Variants in STRN observed in about 807,000 individuals in gnomAD.
The protein encoded by STRN is protein phosphatase 2 regulatory subunit B'''alpha.
STRN carries 53 observed loss-of-function variants against 96.3 expected under a neutral mutation model. The observed-to-expected ratio is 0.55, with a 90% CI of 0.44 to 0.69. STRN has a LOEUF of 0.69. STRN is among the 30% of genes least tolerant of loss of function. The probability of loss-of-function intolerance (pLI) is 0.00; values close to 1 mark genes in which losing one functional copy is unlikely to be tolerated. For missense variants in STRN, 987 were observed against 963.9 expected (o/e 1.02, Z -0.32); for synonymous variants, 428 against 355.9 (o/e 1.20, Z -2.28).
intron 6 of STRN, among the ~76,000 whole-genome samples, chr2:36,897,441 AT>A (rs1277630170): frequency 6.7e-6 from 1 of 149,456 alleles, no homozygotes; most frequent in Non-Finnish European, 1.5e-5. Context: ...AAAAATATAT[AT>A]ATATTTTTTT....
intron 1 of STRN, among the ~76,000 whole-genome samples, chr2:36,965,235 C>T (rs951967087): frequency 5.3e-5 from 8 of 152,184 alleles, no homozygotes; most frequent in Non-Finnish European, 1.2e-4. Context: ...AGGCTTAGCC[C>T]GTAAAACAGA....
intron 1 of STRN, among the ~76,000 whole-genome samples, chr2:36,963,215 C>A (rs1665071771): frequency 6.6e-6 from 1 of 152,274 alleles, no homozygotes; most frequent in South Asian, 2.1e-4. Context: ...TAAAGGCAGG[C>A]CAGGCAGATG....
At chr2:36,941,737 G>A (rs1670850152) in intron 1 of STRN, among the ~76,000 whole-genome samples, 1 of 137,162 alleles carries the variant, frequency 7.3e-6, no homozygotes, top group Non-Finnish European at 1.5e-5. Flanking sequence ...TTTTTTTAGT[G>A]GAGACGGGTT....
rs1163311602 is a variant in STRN at position 36,839,480 on chromosome 2, T to C, written c.*9976A>G. Among the ~76,000 whole-genome samples, 1 of 152,218 alleles carries C rather than the reference T, an allele frequency of 6.6e-6. No homozygotes were observed. The highest frequency in any genetic ancestry group is 1.5e-5 in the Non-Finnish European group (1 of 68,036). ...GAAGCTATCAGGAGTGTGACCGAAC[T>C]ACATGACCAGAAGTCTGTATTCAGA... On this transcript the variant is annotated 3_prime_UTR_variant, in exon 18 of 18. Coordinates refer to ENST00000263918, the MANE Select transcript of STRN (RefSeq NM_003162.4).
At chr2:36,895,846 C>T (rs1355287827) in intron 6 of STRN, among the ~76,000 whole-genome samples, 4 of 152,036 alleles carry the variant, frequency 2.6e-5, no homozygotes, top group Non-Finnish European at 4.4e-5. Context: ...ATGGCGTGAA[C>T]CCAGGAGGCG....
At chr2:36,895,619 A>G (rs1302204601) in intron 6 of STRN, among the ~76,000 whole-genome samples, 1 of 151,760 alleles carries the variant, frequency 6.6e-6, no homozygotes, top group Non-Finnish European at 1.5e-5. Context: ...TAAGGTAGAA[A>G]GGTGTATCTG....
At chr2:36,855,396 A>G (rs1192890059) in intron 14 of STRN, 44 bp from the exon 15 acceptor site, 1 of 1,602,294 alleles carries the variant, frequency 6.2e-7, no homozygotes. Context: ...TAAACCATCT[A>G]CTTGACAATC....
intron 1 of STRN, among the ~76,000 whole-genome samples, chr2:36,928,651 T>TAA (rs1255276491): frequency 2.9e-5 from 2 of 69,062 alleles, no homozygotes; most frequent in Non-Finnish European, 6.1e-5. Flanking sequence ...GACTCCATCT[T>TAA]AAAAAAAAAA....
At chr2:36,922,926 G>C (rs144879434) in intron 2 of STRN, among the ~76,000 whole-genome samples, 3 of 151,156 alleles carry the variant, frequency 2.0e-5, no homozygotes, top group Non-Finnish European at 4.4e-5. Flanking sequence ...GGCGGATCAC[G>C]AAGTCAAGAG....
chr2:36,870,551 A>T (rs1572635411), intron 10 of STRN, among the ~76,000 whole-genome samples: 2 of 152,182 alleles, frequency 1.3e-5, no homozygotes, highest in East Asian at 3.8e-4. Context: ...TTCCTATAGT[A>T]ACATCATAGC....
intron 1 of STRN, among the ~76,000 whole-genome samples, chr2:36,940,620 G>A (rs375204416): frequency 7.9e-5 from 12 of 152,008 alleles, no homozygotes; most frequent in South Asian, 6.2e-4. Context: ...GAGGTCAGGA[G>A]ATCAAGACCA....
chr2:36,963,022 T>A (rs1462033662), intron 1 of STRN, among the ~76,000 whole-genome samples: 1 of 151,214 alleles, frequency 6.6e-6, no homozygotes, highest in African/African-American at 2.5e-5. Context: ...TTAATCATTC[T>A]TTTTTTCCCC....
chr2:36,954,796 C>T (rs1459673641), intron 1 of STRN, among the ~76,000 whole-genome samples: 1 of 151,870 alleles, frequency 6.6e-6, no homozygotes, highest in African/African-American at 2.4e-5. Context: ...TGCCACAACG[C>T]CCAGCTAATT....
intron 6 of STRN, among the ~76,000 whole-genome samples, chr2:36,897,113 G>A (rs1372490153): frequency 6.6e-6 from 1 of 151,830 alleles, no homozygotes; most frequent in Non-Finnish European, 1.5e-5. Context: ...GTTGCAGTCA[G>A]CTGAGATTAC....
intron 1 of STRN, among the ~76,000 whole-genome samples, chr2:36,954,931 G>A (rs1009092105): frequency 7.2e-5 from 11 of 152,112 alleles, no homozygotes; most frequent in African/African-American, 2.4e-4. Flanking sequence ...AAGCCACCAT[G>A]CCCAGTCCAA....
At chr2:36,865,033 G>T (rs1465402416) in intron 12 of STRN, among the ~76,000 whole-genome samples, 2 of 152,068 alleles carry the variant, frequency 1.3e-5, no homozygotes, top group African/African-American at 2.4e-5. Flanking sequence ...TCAATTTTCT[G>T]GAATAGTTTT....
rs971001864 is a variant in STRN, at chr2:36,841,752, C to T, written c.*7704G>A. 1 of 152,202 alleles carries T rather than the reference C, an allele frequency of 6.6e-6. No individual in the cohort carries two copies. The highest frequency in any genetic ancestry group is 1.5e-5 in the Non-Finnish European group (1 of 68,052). 9.4% of individuals were successfully genotyped at this position (152,202 alleles called of 1,614,324 possible). On this transcript the variant is annotated 3_prime_UTR_variant, in exon 18 of 18. Coordinates refer to ENST00000263918, the MANE Select transcript of STRN (RefSeq NM_003162.4). ...TAAAATATAATGAAAACTATTTCCT[C>T]TGACACTTTGCCATGGGGCTCTAGG...
intron 12 of STRN, among the ~76,000 whole-genome samples, chr2:36,865,073 C>T (rs533789781): frequency 2.2e-4 from 33 of 152,286 alleles, no homozygotes; most frequent in African/African-American, 7.5e-4. Flanking sequence ...GTTCTTTATG[C>T]GTTAGGTAGA....
intron 1 of STRN, among the ~76,000 whole-genome samples, chr2:36,939,391 C>G (rs1163378100): frequency 6.6e-6 from 1 of 152,158 alleles, no homozygotes; most frequent in Non-Finnish European, 1.5e-5. Flanking sequence ...ATGATAATAT[C>G]TAGCTTTCCC....
Sources: gnomAD v4.1 joint callset for allele counts (sites outside exome capture counted in the v4.1 genomes callset) on GRCh38, gnomAD v4.1.1 for gene constraint, MANE v1.5 for transcripts, NCBI Gene and HGNC (gene_info 2026-07-23, HGNC 2026-07-21) for gene names.